Variants in SSH2 observed in about 807,000 individuals in gnomAD.
SSH2 encodes protein phosphatase Slingshot homolog 2.
A neutral mutation model predicts 135.2 loss-of-function variants in SSH2; 37 were observed. That is an observed-to-expected ratio of 0.27 (90% CI 0.21 to 0.36). The LOEUF (loss-of-function observed/expected upper bound fraction) is 0.36. SSH2 is among the 10% of genes least tolerant of loss of function. SSH2 has a pLI of 1.00. For missense variants in SSH2, 1,408 were observed against 1,765.3 expected, an observed-to-expected ratio of 0.80 and a Z score of 3.63; for synonymous variants, 628 against 646.2, an observed-to-expected ratio of 0.97 and a Z score of 0.43.
In SSH2 at chr17:29,628,748, C is replaced by A. The variant is rs186446469; in HGVS notation, c.*2093G>T. 3 of 152,244 alleles carry A rather than the reference C, an allele frequency of 2.0e-5. No homozygotes were observed. The highest frequency in any genetic ancestry group is 7.2e-5 in the African/African-American group (3 of 41,464). The allele number at this position is 152,244 out of a possible 1,614,324, so 9.4% of individuals were successfully genotyped here. On this transcript the variant is annotated 3_prime_UTR_variant, in exon 16 of 16. Coordinates refer to ENST00000540801, the MANE Select transcript of SSH2 (RefSeq NM_001282129.2). Reference sequence around the variant, plus strand: ...GATACTTGAACATTCAAGGAGACTACTGAGCAACAGCACAGGGTACACATA... The same window carrying A: ...GATACTTGAACATTCAAGGAGACTAATGAGCAACAGCACAGGGTACACATA...
At chr17:29,877,809 C>T (rs2066062255) in intron 1 of SSH2, among the ~76,000 whole-genome samples, 1 of 151,842 alleles carries the variant, frequency 6.6e-6, no homozygotes. Context: ...TAGTATTTGG[C>T]TGAGCAGGAT....
chr17:29,633,116 T>C (rs2035758337), intron 15 of SSH2, among the ~76,000 whole-genome samples, 185 bp from the exon 16 acceptor site: 1 of 152,198 alleles, frequency 6.6e-6, no homozygotes, highest in Non-Finnish European at 1.5e-5. Flanking sequence ...ACTGGATTCA[T>C]CAAGGCTAGA....
intron 2 of SSH2, among the ~76,000 whole-genome samples, chr17:29,828,618 T>C (rs2042785579): frequency 1.3e-5 from 2 of 152,252 alleles, no homozygotes; most frequent in South Asian, 4.1e-4. Context: ...TTTCCAGGCC[T>C]AGAATTACAT....
chr17:29,636,183 G>C lies in SSH2; in HGVS notation c.2047C>G (p.Leu683Val). 1.2e-6 allele frequency: 2 copies of C among 1,614,118 alleles called. No individual in the cohort carries two copies. Among genetic ancestry groups the C allele is most frequent in the Non-Finnish European group, 1.7e-6 (2 of 1,180,010 alleles). Residue 683 changes from leucine (L) to valine (V), a missense_variant, in exon 15 of 16, where the codon CTA becomes GTA. By Grantham distance (32) the Leu-to-Val change is conservative. Around this residue, in one of 3 missense-constraint regions of SSH2, gnomAD observed 1,080 missense variants for 1,144.5 expected, o/e 0.94. Transcript: ENST00000540801. ...STDRIDFFSALEKFVELSQET... is the reference protein window; with the variant it reads ...STDRIDFFSAVEKFVELSQET... ...TGGGAGAGCTCCACAAACTTCTCTAGGGCACTAAAAAAGTCAATGCGATCT... is the reference window on the plus strand; with the variant it reads ...TGGGAGAGCTCCACAAACTTCTCTACGGCACTAAAAAAGTCAATGCGATCT...
At chr17:29,669,060 C>A (rs951068143) in intron 9 of SSH2, among the ~76,000 whole-genome samples, 3 of 151,968 alleles carry the variant, frequency 2.0e-5, no homozygotes, top group African/African-American at 7.3e-5. Context: ...ACCAGCCTAG[C>A]CAACATGGTG....
chr17:29,876,700 C>T (rs1038882034), intron 1 of SSH2, among the ~76,000 whole-genome samples: 2 of 152,068 alleles, frequency 1.3e-5, no homozygotes, highest in Non-Finnish European at 2.9e-5. Context: ...CTATCTCTCA[C>T]CACATAAAAA....
intron 1 of SSH2, among the ~76,000 whole-genome samples, chr17:29,913,347 A>AAAAAAAAAATTATATATAT: frequency 6.9e-5 from 2 of 28,786 alleles, no homozygotes; most frequent in South Asian, 2.6e-3. Context: ...AAAAAAAAAA[A>AAAAAAAAAATTATATATAT]ATATATATAT....
At chr17:29,745,412 G>C (rs1379374290) in intron 3 of SSH2, among the ~76,000 whole-genome samples, 1 of 152,054 alleles carries the variant, frequency 6.6e-6, no homozygotes, top group South Asian at 2.1e-4. Context: ...CGCCTGCCTC[G>C]GCCTCTGAAA....
intron 3 of SSH2, among the ~76,000 whole-genome samples, chr17:29,784,596 CT>C: frequency 2.3e-5 from 2 of 86,924 alleles, no homozygotes; most frequent in East Asian, 4.5e-4. Flanking sequence ...TAGACTCCTT[CT>C]CAAAAAAAAA....
At chr17:29,662,029 C>G (rs1230091655) in intron 11 of SSH2, among the ~76,000 whole-genome samples, 2 of 152,206 alleles carry the variant, frequency 1.3e-5, no homozygotes, top group Admixed American at 6.5e-5. Flanking sequence ...CAATTTCCCC[C>G]CCGCCCATGC....
intron 11 of SSH2, among the ~76,000 whole-genome samples, chr17:29,659,975 C>T (rs1356522149): frequency 9.3e-5 from 14 of 150,298 alleles, no homozygotes; most frequent in Admixed American, 7.9e-4. Flanking sequence ...GGATTACAGG[C>T]ACGCACCATC....
rs745673120 is a variant in SSH2 at position 29,631,286 on chromosome 17, C to T, written c.3908G>A (p.Arg1303Lys). The change falls in exon 16 of 16, where the codon AGG (arginine) becomes AAG (lysine). Residue 1303 changes from arginine (R) to lysine (K), a missense_variant. This residue lies in a region of SSH2 where 1,080 missense variants were observed against 1,144.5 expected (regional missense o/e 0.94). Coordinates refer to ENST00000540801, the MANE Select transcript of SSH2 (RefSeq NM_001282129.2). The stretch of plus-strand genomic sequence containing the variant: ...AGGGGATTCACAGGAGGCAGGCTCC[C>T]TCTCTGGTAAGCAGTCTTTACAGAG... ...LDLCKDCLPE[R>K]EPASCESPHL... The T allele has an allele frequency of 2.5e-6, 4 of 1,614,162 alleles. No individual in the cohort carries two copies. Among genetic ancestry groups the T allele is most frequent in the Non-Finnish European group, 3.4e-6 (4 of 1,180,042 alleles).
At chr17:29,638,903 A>C (rs2036031401) in intron 14 of SSH2, among the ~76,000 whole-genome samples, 1 of 152,160 alleles carries the variant, frequency 6.6e-6, no homozygotes, top group Non-Finnish European at 1.5e-5. Context: ...AATTATAATC[A>C]GAAAAAAACC....
intron 3 of SSH2, among the ~76,000 whole-genome samples, chr17:29,747,055 A>G (rs913922228): frequency 3.3e-5 from 5 of 152,194 alleles, no homozygotes; most frequent in African/African-American, 7.2e-5. Flanking sequence ...ATTTTGATGG[A>G]TAAATATTAA....
At chr17:29,727,495 A>G (rs2040040976) in intron 3 of SSH2, among the ~76,000 whole-genome samples, 1 of 152,216 alleles carries the variant, frequency 6.6e-6, no homozygotes, top group Non-Finnish European at 1.5e-5. Context: ...TGTGTAAAAC[A>G]TGGCTGCTGG....
At chr17:29,694,656 A>C (rs901457419) in intron 5 of SSH2, among the ~76,000 whole-genome samples, 2 of 152,176 alleles carry the variant, frequency 1.3e-5, no homozygotes, top group African/African-American at 4.8e-5. Flanking sequence ...GCAAAAGAGC[A>C]AGACTCCGTC....
intron 1 of SSH2, among the ~76,000 whole-genome samples, chr17:29,900,842 C>A (rs556088551): frequency 2.0e-5 from 3 of 152,016 alleles, no homozygotes; most frequent in Admixed American, 6.6e-5. Flanking sequence ...ATGTTCATTG[C>A]GGCACTATTC....
At chr17:29,738,048 G>A (rs1046354866) in intron 3 of SSH2, among the ~76,000 whole-genome samples, 1 of 152,138 alleles carries the variant, frequency 6.6e-6, no homozygotes, top group Admixed American at 6.5e-5. Context: ...ATTTACATTA[G>A]GTATATCTCC....
At chr17:29,792,786 C>A (rs1034892801) in intron 3 of SSH2, among the ~76,000 whole-genome samples, 3 of 152,160 alleles carry the variant, frequency 2.0e-5, no homozygotes, top group Non-Finnish European at 2.9e-5. Context: ...ACGCCATTCT[C>A]CTGCCTCAGC....
Sources: gnomAD v4.1 joint callset for allele counts (sites outside exome capture counted in the v4.1 genomes callset) on GRCh38, gnomAD v4.1.1 for gene constraint, gnomAD v4.1.1 regional missense constraint, MANE v1.5 for transcripts, NCBI Gene and HGNC (gene_info 2026-07-23, HGNC 2026-07-21) for gene names.